Variants in NUMB observed in about 807,000 individuals in gnomAD.
NUMB encodes the protein NUMB endocytic adaptor protein.
A neutral mutation model predicts 59.7 loss-of-function variants in NUMB; 29 were observed. The observed-to-expected ratio is 0.49, with a 90% confidence interval of 0.36 to 0.66. The LOEUF (loss-of-function observed/expected upper bound fraction) is 0.66, where lower values mean the gene tolerates loss of function less well. NUMB is among the 30% of genes least tolerant of loss of function. The probability of loss-of-function intolerance (pLI) is 0.00; values close to 1 mark genes in which losing one functional copy is unlikely to be tolerated. For synonymous variants in NUMB, 288 were observed against 288.2 expected, an observed-to-expected ratio of 1.00 and a Z score of 0.01; for missense variants, 723 against 822.0, an observed-to-expected ratio of 0.88 and a Z score of 1.47.
At chr14:73,327,118 A>T (rs1271016386) in intron 4 of NUMB, among the ~76,000 whole-genome samples, 1 of 152,162 alleles carries the variant, frequency 6.6e-6, no homozygotes, top group Non-Finnish European at 1.5e-5. Context: ...TTTCCCTGGC[A>T]AATTCTTCCT....
chr14:73,283,973 C>T, intron 10 of NUMB, 108 bp downstream of exon 10: 1 of 1,073,742 alleles, frequency 9.3e-7, no homozygotes. Flanking sequence ...ATCAACGAAC[C>T]TCAGGGAAAG....
At position 73,314,315 on chromosome 14, in the gene NUMB, T is replaced by TCA. The variant is rs140526964; in HGVS notation, c.234+2073_234+2074dup. ...TTATTATAAATATCTGTGAATTCAG[T>TCA]CAGGTCATTTAACCTCTGCAAACCT... On this transcript the variant is annotated intron_variant, in intron 6 of 12. Coordinates refer to ENST00000555238, the MANE Select transcript of NUMB (RefSeq NM_001005743.2). Among the ~76,000 whole-genome samples the TCA allele has an allele frequency of 1.5e-4, 23 of 152,322 alleles. No individual in the cohort carries two copies. In the East Asian group the frequency reaches 4.2e-3, roughly 28 times the overall value.
chr14:73,346,700 C>A (rs1892940813), intron 4 of NUMB, among the ~76,000 whole-genome samples: 1 of 152,106 alleles, frequency 6.6e-6, no homozygotes, highest in South Asian at 2.1e-4. Flanking sequence ...CTAGCTATTT[C>A]ATTGTCCTCA....
intron 1 of NUMB, among the ~76,000 whole-genome samples, chr14:73,411,919 C>CTTTTTTTTT (rs935625343): frequency 9.4e-6 from 1 of 106,816 alleles, no homozygotes; most frequent in Admixed American, 1.2e-4. Context: ...CAGCAATTAA[C>CTTTTTTTTT]TTTTTTTTTT....
At chr14:73,317,978 C>T (rs1891178851) in intron 5 of NUMB, among the ~76,000 whole-genome samples, 1 of 152,184 alleles carries the variant, frequency 6.6e-6, no homozygotes, top group South Asian at 2.1e-4. Flanking sequence ...GTTTTCCCCT[C>T]TAAGCTTTGA....
At chr14:73,357,012 C>A in intron 3 of NUMB, 1 of 964,710 alleles carries the variant, frequency 1.0e-6, no homozygotes, top group African/African-American at 1.8e-5. Context: ...GAATTTCTTG[C>A]AAGCAGTATG....
intron 4 of NUMB, among the ~76,000 whole-genome samples, chr14:73,325,088 T>C (rs1891593654): frequency 6.6e-6 from 1 of 152,210 alleles, no homozygotes; most frequent in Non-Finnish European, 1.5e-5. Context: ...CAATCACTAG[T>C]CAATGTTATT....
intron 2 of NUMB, among the ~76,000 whole-genome samples, chr14:73,403,032 C>A (rs1267450534): frequency 1.3e-5 from 2 of 152,210 alleles, no homozygotes; most frequent in African/African-American, 4.8e-5. Context: ...CCTTGCCTCT[C>A]ATTACAGAGG....
At chr14:73,287,087 A>G (rs1889062873) in intron 9 of NUMB, 23 bp downstream of exon 9, 2 of 1,607,614 alleles carry the variant, frequency 1.2e-6, no homozygotes, top group South Asian at 1.1e-5. Flanking sequence ...TTCCATAAAT[A>G]CACACTGTAG....
chr14:73,373,926 C>T (rs1894822469), intron 2 of NUMB, among the ~76,000 whole-genome samples: 1 of 151,816 alleles, frequency 6.6e-6, no homozygotes, highest in Non-Finnish European at 1.5e-5. Flanking sequence ...TGGAGTGCAA[C>T]AGTGTGATCT....
chr14:73,348,834 T>A (rs553227411), intron 4 of NUMB, among the ~76,000 whole-genome samples: 1 of 152,236 alleles, frequency 6.6e-6, no homozygotes, highest in African/African-American at 2.4e-5. Context: ...TTAAAAGCTA[T>A]AGATTTCACA....
At chr14:73,349,617 C>T (rs535221297) in intron 4 of NUMB, among the ~76,000 whole-genome samples, 34 of 145,430 alleles carry the variant, frequency 2.3e-4, no homozygotes, top group Non-Finnish European at 4.5e-4. Context: ...CGGTGGCTCA[C>T]ACCTGTAATC....
chr14:73,403,606 A>ATAAT (rs1896517824), intron 2 of NUMB, among the ~76,000 whole-genome samples: 1 of 152,232 alleles, frequency 6.6e-6, no homozygotes, highest in South Asian at 2.1e-4. Context: ...GACTCTCAAG[A>ATAAT]TAATTACCAG....
chr14:73,285,512 A>G (rs1473577790), intron 9 of NUMB: 1 of 152,178 alleles, frequency 6.6e-6, no homozygotes, highest in Non-Finnish European at 1.5e-5. Flanking sequence ...TTTACAAGAA[A>G]TGAAAAAAAA....
chr14:73,299,494 C>A (rs2139850966), intron 6 of NUMB: 1 of 151,186 alleles, frequency 6.6e-6, no homozygotes, highest in East Asian at 1.9e-4. Context: ...CCTGCCAGCC[C>A]CTACAATCAC....
intron 1 of NUMB, among the ~76,000 whole-genome samples, chr14:73,425,604 AG>A (rs886498597): frequency 1.2e-4 from 18 of 152,186 alleles, no homozygotes; most frequent in Non-Finnish European, 2.2e-4. Context: ...ACAAGTATTT[AG>A]GGGTTACTAT....
intron 5 of NUMB, 132 bp from the exon 6 acceptor site, chr14:73,316,554 G>C: frequency 1.3e-6 from 1 of 769,944 alleles, no homozygotes; most frequent in Non-Finnish European, 2.2e-6. Flanking sequence ...GAGTTTCAAA[G>C]AGTTATCCAC....
chr14:73,362,507 G>A (rs1251688595), intron 3 of NUMB, among the ~76,000 whole-genome samples: 1 of 152,100 alleles, frequency 6.6e-6, no homozygotes, highest in East Asian at 1.9e-4. Flanking sequence ...ACAGTGGTGT[G>A]ATCATGGCTC....
At chr14:73,313,621 T>G (rs1890899576) in intron 6 of NUMB, among the ~76,000 whole-genome samples, 1 of 145,992 alleles carries the variant, frequency 6.8e-6, no homozygotes, top group African/African-American at 2.6e-5. Flanking sequence ...GGCTTGGGTC[T>G]TATCCCCAAA....
Sources: gnomAD v4.1 joint callset for allele counts (sites outside exome capture counted in the v4.1 genomes callset) on GRCh38, gnomAD v4.1.1 for gene constraint, MANE v1.5 for transcripts, NCBI Gene and HGNC (gene_info 2026-07-23, HGNC 2026-07-21) for gene names.